Variants in LRRTM1 observed in about 807,000 individuals in gnomAD.
LRRTM1 encodes leucine-rich repeat transmembrane neuronal protein 1.
In LRRTM1, 8 loss-of-function variants were observed where a neutral mutation model predicts 37.3. That is an observed-to-expected ratio of 0.21 (90% CI 0.13 to 0.39). The LOEUF is 0.39. LRRTM1 is among the 10% of genes least tolerant of loss of function. LRRTM1 has a pLI of 1.00. For missense variants in LRRTM1, 557 were observed against 691.0 expected, an observed-to-expected ratio of 0.81 and a Z score of 2.17; for synonymous variants, 326 against 316.8, an observed-to-expected ratio of 1.03 and a Z score of -0.31.
At chr2:80,288,945 C>T (rs1047190290) in exon 3 of LRRTM1, 1 of 152,174 alleles carries the variant, frequency 6.6e-6, no homozygotes, top group Non-Finnish European at 1.5e-5. Context: ...TCCAAGAACA[C>T]TGTTTCTCAT....
At position 80,304,683 on chromosome 2, in the gene LRRTM1, C is replaced by T. The variant is rs530295501; in HGVS notation, c.-591G>A. Reference sequence around the variant, plus strand: ...GGCGCGGGGAGCGGCGAGCGGCGCCCGGGCTCCTTCCCTCCACCAGGCAGT... The same window carrying T: ...GGCGCGGGGAGCGGCGAGCGGCGCCTGGGCTCCTTCCCTCCACCAGGCAGT... On this transcript the variant is annotated 5_prime_UTR_variant, in exon 1 of 2. Transcript: ENST00000295057. 1 of 153,502 alleles carries T rather than the reference C, an allele frequency of 6.5e-6. No homozygotes were observed. The highest frequency in any genetic ancestry group is 1.8e-4 in the South Asian group (1 of 5,680). The allele number at this position is 153,502 out of a possible 1,614,324, so 9.5% of individuals were successfully genotyped here. A position where few individuals can be genotyped will look rare whatever the true frequency, so the allele number is the denominator to read the frequency against.
At chr2:80,294,340 C>T (rs983915157) in intron 2 of LRRTM1, among the ~76,000 whole-genome samples, 4 of 152,062 alleles carry the variant, frequency 2.6e-5, no homozygotes, top group African/African-American at 7.3e-5. Flanking sequence ...CTAAGTACAC[C>T]GATGCTTGCA....
downstream of LRRTM1, among the ~76,000 whole-genome samples, chr2:80,300,320 G>A (rs1676164290): frequency 1.4e-5 from 2 of 141,486 alleles, no homozygotes; most frequent in South Asian, 4.5e-4. Context: ...GTGTGTGTGT[G>A]TGTGTGTGTG....
rs1676562729 is a variant in LRRTM1 at position 80,303,417 on chromosome 2, G to A, written c.403C>T (p.Pro135Ser). 6.2e-7 allele frequency: 1 copy of A among 1,614,088 alleles called. No homozygotes were observed. The highest frequency in any genetic ancestry group is 1.3e-5 in the African/African-American group (1 of 74,928). ...ITQLPNTTFRPMPNLRSVDLS... is the reference protein window; with the variant it reads ...ITQLPNTTFRSMPNLRSVDLS... The stretch of plus-strand genomic sequence containing the variant: ...TCCACGCTGCGCAGGTTGGGCATGG[G>A]CCGGAAGGTGGTGTTGGGCAGTTGG... The change falls in exon 2 of 2, where the codon CCC (proline) becomes TCC (serine). Residue 135 changes from proline to serine, a missense_variant. Pro to Ser is a moderately conservative substitution (Grantham distance 74, BLOSUM62 -1). Around this residue, in one of 5 missense-constraint regions of LRRTM1, gnomAD observed 38 missense variants for 72.9 expected, o/e 0.52. Coordinates refer to ENST00000295057, the MANE Select transcript of LRRTM1 (RefSeq NM_178839.5). This position sits in a 1 kb window ranked among gnomAD's most constrained non-coding sequence, Gnocchi z 7.7.
In LRRTM1 at chr2:80,303,893, A is replaced by G; in HGVS notation, c.-59-15T>C. 2 of 1,436,826 alleles carry G rather than the reference A, an allele frequency of 1.4e-6. No homozygotes were observed. The highest frequency in any genetic ancestry group is 2.4e-5 in the East Asian group (1 of 41,114). The allele number at this position is 1,436,826 out of a possible 1,614,324, so 89.0% of individuals were successfully genotyped here. A position where few individuals can be genotyped will look rare whatever the true frequency, so the allele number is the denominator to read the frequency against. On this transcript the variant is annotated splice_polypyrimidine_tract_variant and intron_variant, in intron 1 of 1. Transcript: ENST00000295057. The surrounding 1 kb of genome is among the most constrained non-coding windows in gnomAD (Gnocchi z 7.7). ...CGGTCAGAAATCTACATCATATTTT[A>G]TTCCGAGGGAGGGGAAGCGGGGGAG...
chr2:80,300,580 C>G (rs1676192772), downstream of LRRTM1, among the ~76,000 whole-genome samples: 1 of 151,794 alleles, frequency 6.6e-6, no homozygotes, highest in Admixed American at 6.6e-5. Context: ...GTGTGTGGTT[C>G]CCCATCCCCC....
downstream of LRRTM1, chr2:80,298,769 C>T (rs1439545073): frequency 6.6e-6 from 1 of 152,194 alleles, no homozygotes; most frequent in African/African-American, 2.4e-5. Context: ...TTTCCTTTTA[C>T]TGGAATAACC....
At chr2:80,292,833 A>T (rs1245701943) in intron 2 of LRRTM1, among the ~76,000 whole-genome samples, 2 of 152,194 alleles carry the variant, frequency 1.3e-5, no homozygotes, top group Non-Finnish European at 2.9e-5. Flanking sequence ...AAAGCATCTG[A>T]GTGATATGTT....
downstream of LRRTM1, among the ~76,000 whole-genome samples, chr2:80,297,356 C>T (rs1333333453): frequency 1.3e-5 from 2 of 152,168 alleles, no homozygotes; most frequent in Non-Finnish European, 2.9e-5. Context: ...GCACAATGTA[C>T]CTGACTTCTG....
downstream of LRRTM1, among the ~76,000 whole-genome samples, chr2:80,301,414 A>G (rs892378105): frequency 6.6e-6 from 1 of 152,252 alleles, no homozygotes; most frequent in African/African-American, 2.4e-5. Context: ...AGGAGAATTA[A>G]GAACAGGTGG....
At chr2:80,292,262 A>G (rs141869043) in intron 2 of LRRTM1, among the ~76,000 whole-genome samples, 96 of 152,314 alleles carry the variant, frequency 6.3e-4, no homozygotes, top group African/African-American at 2.0e-3. Flanking sequence ...AATGGGCTTA[A>G]TTCTTATAAC....
In LRRTM1 at chr2:80,304,525, A is replaced by G. The variant is rs1004713930; in HGVS notation, c.-433T>C. On this transcript the variant is annotated 5_prime_UTR_variant, in exon 1 of 2. Coordinates refer to ENST00000295057, the MANE Select transcript of LRRTM1 (RefSeq NM_178839.5). Reference sequence around the variant, plus strand: ...TTAATGTCCGTCATTGGAAACGACCACTGACCGGCGCCACCTTTTACTCCG... The same window carrying G: ...TTAATGTCCGTCATTGGAAACGACCGCTGACCGGCGCCACCTTTTACTCCG... The G allele has an allele frequency of 2.0e-5, 3 of 153,214 alleles. No individual in the cohort carries two copies. The highest frequency in any genetic ancestry group is 7.2e-5 in the African/African-American group (3 of 41,402). 9.5% of individuals were successfully genotyped at this position (153,214 alleles called of 1,614,324 possible). A position where few individuals can be genotyped will look rare whatever the true frequency, so the allele number is the denominator to read the frequency against.
At position 80,303,653 on chromosome 2, in the gene LRRTM1, T is replaced by G. The variant is rs762132538; in HGVS notation, c.167A>C (p.Asn56Thr). 2 of 1,612,906 alleles carry G rather than the reference T, an allele frequency of 1.2e-6. No individual in the cohort carries two copies. The highest frequency in any genetic ancestry group is 2.7e-5 in the African/African-American group (2 of 74,836). Residue 56 changes from asparagine (N) to threonine (T), a missense_variant, in exon 2 of 2, where the codon AAC becomes ACC. Physicochemically the swap from Asn to Thr is moderately conservative, Grantham distance 65. Transcript: ENST00000295057. The surrounding 1 kb of genome is among the most constrained non-coding windows in gnomAD (Gnocchi z 7.7). The part of the protein sequence containing the change: ...EGRLLYCEAL[N>T]LTEAPHNLSG... ...CAGGTTGTGGGGCGCCTCGGTGAGG[T>G]TGAGCGCCTCGCAGTACAGCAGCCG...
chr2:80,289,994 C>T (rs1675100283), intron 2 of LRRTM1, among the ~76,000 whole-genome samples: 1 of 152,174 alleles, frequency 6.6e-6, no homozygotes, highest in African/African-American at 2.4e-5. Flanking sequence ...AACCACAGAG[C>T]TTGGGTTCTC....
In LRRTM1 at chr2:80,303,246, T is replaced by C. The variant is rs1676541229; in HGVS notation, c.574A>G (p.Ile192Val). ...AGACTCTTGAGCTGATTGTATCCGA[T>C]GTCGAGAAACTTGAGGCTGCGGCAG... ...QDCRSLKFLD[I>V]GYNQLKSLAR... The change falls in exon 2 of 2, where the codon ATC becomes GTC. Residue 192 changes from isoleucine to valine, a missense_variant. This residue lies in a region of LRRTM1 where 200 missense variants were observed against 249.9 expected (regional missense o/e 0.80). Coordinates refer to ENST00000295057, the MANE Select transcript of LRRTM1 (RefSeq NM_178839.5). This position sits in a 1 kb window ranked among gnomAD's most constrained non-coding sequence, Gnocchi z 7.7. 1 of 1,613,542 alleles carries C rather than the reference T, an allele frequency of 6.2e-7. No individual in the cohort carries two copies. The highest frequency in any genetic ancestry group is 8.5e-7 in the Non-Finnish European group (1 of 1,179,960).
At chr2:80,300,363 TAA>T (rs1335285521), downstream of LRRTM1, among the ~76,000 whole-genome samples, 2 of 149,040 alleles carry the variant, frequency 1.3e-5, no homozygotes, top group Non-Finnish European at 3.0e-5. Flanking sequence ...CTTAACATCT[TAA>T]AAGACATTTG....
chr2:80,298,058 C>G (rs1372738048), downstream of LRRTM1: 5 of 150,868 alleles, frequency 3.3e-5, no homozygotes, highest in African/African-American at 1.2e-4. Context: ...TATACACACA[C>G]ACACATGTGT....
intron 2 of LRRTM1, among the ~76,000 whole-genome samples, chr2:80,291,448 A>C (rs1239357921): frequency 6.6e-6 from 1 of 152,368 alleles, no homozygotes; most frequent in East Asian, 1.9e-4. Flanking sequence ...CTCTTGATAC[A>C]GGACCTCCTC....
chr2:80,303,746 A>G lies in LRRTM1; in HGVS notation c.74T>C (p.Leu25Pro), dbSNP rs1676615518. The G allele has an allele frequency of 2.5e-6, 4 of 1,594,354 alleles. No homozygotes were observed. The highest frequency in any genetic ancestry group is 1.1e-5 in the South Asian group (1 of 87,106). ...GGGCAGCATCTGAAAGCAGGCCCCCAGCAGACACAAGACCACCCCCGAGGG... is the reference window on the plus strand; with the variant it reads ...GGGCAGCATCTGAAAGCAGGCCCCCGGCAGACACAAGACCACCCCCGAGGG... ...RRPSGVVLCL[L>P]GACFQMLPAA... Residue 25 changes from leucine to proline, a missense_variant, in exon 2 of 2, where the codon CTG becomes CCG. This residue lies in a region of LRRTM1 where 140 missense variants were observed against 138.1 expected (regional missense o/e 1.01). Coordinates refer to ENST00000295057, the MANE Select transcript of LRRTM1 (RefSeq NM_178839.5). The surrounding 1 kb of genome is among the most constrained non-coding windows in gnomAD (Gnocchi z 7.7).
Sources: gnomAD v4.1 joint callset for allele counts (sites outside exome capture counted in the v4.1 genomes callset) on GRCh38, gnomAD v4.1.1 for gene constraint, gnomAD v4.1.1 regional missense constraint, Gnocchi (gnomAD v3.1) non-coding constraint, MANE v1.5 for transcripts, NCBI Gene and HGNC (gene_info 2026-07-23, HGNC 2026-07-21) for gene names.